The following CLOCK variants were observed in gnomAD, a reference collection of about 807,000 sequenced individuals.
CLOCK encodes the protein clock circadian regulator.
In CLOCK, 43 loss-of-function variants were observed where a neutral mutation model predicts 118.4. The observed-to-expected ratio is 0.36, with a 90% CI of 0.28 to 0.47. The LOEUF is 0.47. Among genes scored for constraint, CLOCK ranks in the 20% least tolerant of loss-of-function variants. CLOCK has a pLI of 1.00. For missense variants in CLOCK, 846 were observed against 999.9 expected (o/e 0.85, Z 2.08); for synonymous variants, 326 against 339.2 (o/e 0.96, Z 0.43).
At chr4:55,504,086 C>A (rs920323457) in intron 2 of CLOCK, among the ~76,000 whole-genome samples, 2 of 148,744 alleles carry the variant, frequency 1.3e-5, no homozygotes, top group African/African-American at 4.9e-5. Context: ...AGATCGAGAC[C>A]ATCCTGGCTA....
intron 12 of CLOCK, 105 bp downstream of exon 12, chr4:55,456,113 G>T: frequency 7.6e-7 from 1 of 1,316,378 alleles, no homozygotes. Context: ...AATGGGAACA[G>T]GTTTCAAAGT....
intron 9 of CLOCK, among the ~76,000 whole-genome samples, chr4:55,463,398 T>C (rs1479627831): frequency 1.3e-5 from 2 of 152,078 alleles, no homozygotes; most frequent in East Asian, 1.9e-4. Context: ...TTAATAACTA[T>C]ATATTGCCAG....
At chr4:55,457,663 C>G (rs1725010801) in intron 11 of CLOCK, among the ~76,000 whole-genome samples, 1 of 152,158 alleles carries the variant, frequency 6.6e-6, no homozygotes, top group South Asian at 2.1e-4. Flanking sequence ...ATCTCTTCCC[C>G]CTCCACACAC....
At chr4:55,458,618 T>C (rs28590090) in intron 11 of CLOCK, among the ~76,000 whole-genome samples, 2,360 of 152,220 alleles carry the variant, frequency 0.016, 64 homozygotes, top group African/African-American at 0.054. Context: ...TCCCTTTTAA[T>C]AGAGATAATG....
intron 6 of CLOCK, among the ~76,000 whole-genome samples, chr4:55,477,714 T>C (rs1726613949): frequency 6.6e-6 from 1 of 151,958 alleles, no homozygotes. Flanking sequence ...AGAGACACAA[T>C]AGCTGAAGCT....
intron 19 of CLOCK, 38 bp from the exon 20 acceptor site, chr4:55,443,934 G>GATTGAAAAGAAGAATGAGC: frequency 6.4e-7 from 1 of 1,572,452 alleles, no homozygotes; most frequent in South Asian, 1.1e-5. Context: ...GAGCTTTGTA[G>GATTGAAAAGAAGAATGAGC]ATTGAAAAGA....
intron 1 of CLOCK, among the ~76,000 whole-genome samples, chr4:55,531,291 C>T (rs1023940820): frequency 4.6e-5 from 7 of 151,960 alleles, no homozygotes; most frequent in African/African-American, 1.7e-4. Context: ...AAATCCTCAT[C>T]TTTCTTAGCA....
Position 55,503,978 on chromosome 4 carries a change from T to TAAAAGAAAAAAAAAAA in CLOCK, c.-136+5933_-136+5934insTTTTTTTTTTTCTTTT, listed in dbSNP as rs1553900254. ...ACAGTTTCTATTTGGCAAAAAGAGG[T>TAAAAGAAAAAAAAAAA]AAAAAAAAAAAAAAAAAAAAAAAAA... On this transcript the variant is annotated intron_variant, in intron 2 of 22. Transcript: ENST00000513440. Among the ~76,000 whole-genome samples the TAAAAGAAAAAAAAAAA allele has an allele frequency of 1.0e-3, 71 of 71,144 alleles. 12 individuals are homozygous for TAAAAGAAAAAAAAAAA. Among genetic ancestry groups the TAAAAGAAAAAAAAAAA allele is most frequent in the East Asian group, 3.7e-3 (7 of 1,898 alleles). 46.7% of individuals were successfully genotyped at this position (71,144 alleles called of 152,430 possible).
chr4:55,447,377 A>G (rs1369425998), intron 18 of CLOCK, among the ~76,000 whole-genome samples: 11 of 152,224 alleles, frequency 7.2e-5, no homozygotes, highest in Non-Finnish European at 1.6e-4. Flanking sequence ...AAAAAATTAA[A>G]AAGTTACATT....
At chr4:55,498,710 G>A (rs553198291) in intron 2 of CLOCK, among the ~76,000 whole-genome samples, 1 of 152,084 alleles carries the variant, frequency 6.6e-6, no homozygotes, top group Non-Finnish European at 1.5e-5. Context: ...AATCTGTGGA[G>A]TGGCAGGGGA....
At chr4:55,502,890 T>C (rs187921858) in intron 2 of CLOCK, among the ~76,000 whole-genome samples, 3 of 152,314 alleles carry the variant, frequency 2.0e-5, no homozygotes, top group Non-Finnish European at 4.4e-5. Context: ...CAACAGGCAT[T>C]TGAAAATATT....
intron 18 of CLOCK, among the ~76,000 whole-genome samples, chr4:55,446,082 C>T (rs538996951): frequency 6.8e-6 from 1 of 147,368 alleles, no homozygotes; most frequent in African/African-American, 2.5e-5. Flanking sequence ...CTACCACTTA[C>T]TGGAAAAAAA....
intron 2 of CLOCK, among the ~76,000 whole-genome samples, chr4:55,504,083 G>C (rs1233770155): frequency 6.7e-6 from 1 of 148,340 alleles, no homozygotes; most frequent in Non-Finnish European, 1.5e-5. Flanking sequence ...AGGAGATCGA[G>C]ACCATCCTGG....
At chr4:55,464,050 T>C (rs1403124650) in intron 8 of CLOCK, among the ~76,000 whole-genome samples, 3 of 152,176 alleles carry the variant, frequency 2.0e-5, no homozygotes, top group African/African-American at 4.8e-5. Context: ...CACCAAAATG[T>C]TCTGAACATT....
chr4:55,502,387 C>T (rs186566050), intron 2 of CLOCK, among the ~76,000 whole-genome samples: 33 of 152,068 alleles, frequency 2.2e-4, no homozygotes, highest in Admixed American at 2.1e-3. Flanking sequence ...GAATAGAGTC[C>T]AAAAATAAAT....
rs1722885044 is a variant in CLOCK, at chr4:55,436,482, GAA to G, written c.2362-890_2362-889del. Among the ~76,000 whole-genome samples, 4 of 152,278 alleles carry G rather than the reference GAA, an allele frequency of 2.6e-5. No homozygotes were observed. The South Asian group carries it at 6.2e-4, about 24-fold the overall frequency. On this transcript the variant is annotated intron_variant, in intron 22 of 22. Transcript: ENST00000513440. Reference sequence around the variant, plus strand: ...AGATACAAAAAAATGTTAACAGAAAGAAAGTGAATTTTTACAATGAAAGTCCT... The same window carrying G: ...AGATACAAAAAAATGTTAACAGAAAGAGTGAATTTTTACAATGAAAGTCCT...
At chr4:55,502,757 A>G (rs1356637392) in intron 2 of CLOCK, among the ~76,000 whole-genome samples, 6 of 152,220 alleles carry the variant, frequency 3.9e-5, no homozygotes, top group Non-Finnish European at 7.4e-5. Flanking sequence ...ACTAGGAAAG[A>G]TATCTTCAAT....
intron 21 of CLOCK, among the ~76,000 whole-genome samples, chr4:55,439,558 C>T (rs1723175377): frequency 6.6e-6 from 1 of 152,140 alleles, no homozygotes; most frequent in Non-Finnish European, 1.5e-5. Flanking sequence ...GATATTTGTA[C>T]ACCCATAATC....
In CLOCK at chr4:55,442,169, T is replaced by C. The variant is rs544122995; in HGVS notation, c.2105+263A>G. 75 of 443,836 alleles carry C rather than the reference T, an allele frequency of 1.7e-4. No homozygotes were observed. In the South Asian group the frequency reaches 1.7e-3, roughly 10 times the overall value. The allele number at this position is 443,836 out of a possible 1,614,324, so 27.5% of individuals were successfully genotyped here. On this transcript the variant is annotated intron_variant, in intron 21 of 22. Coordinates refer to ENST00000513440, the MANE Select transcript of CLOCK (RefSeq NM_004898.4). The stretch of plus-strand genomic sequence containing the variant: ...GACACAGAGCCTGTCATAAACCTTT[T>C]CTAACAGTGTGCTGCAGAATTTGTA...
Sources: allele counts gnomAD v4.1 joint callset (sites outside exome capture counted in the v4.1 genomes callset), GRCh38; gene constraint gnomAD v4.1.1; transcripts MANE v1.5; gene names NCBI Gene and HGNC (gene_info 2026-07-23, HGNC 2026-07-21).